The following USP21 variants were observed in gnomAD, a reference collection of about 807,000 sequenced individuals.
The protein encoded by USP21 is ubiquitin specific peptidase 21.
In USP21, 37 loss-of-function variants were observed where a neutral mutation model predicts 70.8. The ratio of observed to expected loss-of-function variants is 0.52; its 90% CI spans 0.40 to 0.69. The LOEUF is 0.69. USP21 is among the 30% of genes least tolerant of loss of function. The probability of loss-of-function intolerance (pLI) is 0.00; values close to 1 mark genes in which losing one functional copy is unlikely to be tolerated. For synonymous variants in USP21, 263 were observed against 283.1 expected, an observed-to-expected ratio of 0.93 and a Z score of 0.71; for missense variants, 584 against 740.8, an observed-to-expected ratio of 0.79 and a Z score of 2.46.
rs1657915113 is a variant in USP21, at chr1:161,161,310, TTCTG to T, written c.600+73_600+76del. ...GTGCTTTCCTGCCATCCTCTGCCTT[TTCTG>T]TCCCCCATTTCCCTGAAGTTCCTTT... On this transcript the variant is annotated intron_variant, in intron 3 of 13. Transcript: ENST00000368002. The surrounding 1 kb of genome is among the most constrained non-coding windows in gnomAD (Gnocchi z 4.2). The T allele has an allele frequency of 6.7e-7, 1 of 1,502,620 alleles. No homozygotes were observed. The highest frequency in any genetic ancestry group is 1.4e-5 in the African/African-American group (1 of 71,990). The allele number at this position is 1,502,620 out of a possible 1,614,324, so 93.1% of individuals were successfully genotyped here.
rs774507460 is a variant in USP21, at chr1:161,165,160, A to T, written c.1607+17A>T. The T allele has an allele frequency of 2.2e-5, 35 of 1,604,706 alleles. 1 individual carries two copies. Among genetic ancestry groups the T allele is most frequent in the Admixed American group, 3.3e-5 (2 of 59,852 alleles). On this transcript the variant is annotated intron_variant, in intron 13 of 13. Coordinates refer to ENST00000368002, the MANE Select transcript of USP21 (RefSeq NM_001014443.3). ...TGACTCTCGGTGAGAATAGCCTCCT[A>T]TTTACATCCTGCCCCATTCCCACTC...
At position 161,164,502 on chromosome 1, in the gene USP21, T is replaced by C; in HGVS notation, c.1306-32T>C. 6.2e-7 allele frequency: 1 copy of C among 1,613,944 alleles called. No homozygotes were observed. Among genetic ancestry groups the C allele is most frequent in the South Asian group, 1.1e-5 (1 of 91,074 alleles). On this transcript the variant is annotated intron_variant, in intron 10 of 13. Transcript: ENST00000368002. This position sits in a 1 kb window ranked among gnomAD's most constrained non-coding sequence, Gnocchi z 4.2. ...GAAAAGCCAATTGAGGTTAGGAGCA[T>C]ATTAACCTAACACTGTTTGCCATTT...
In USP21 at chr1:161,160,731, C is replaced by T. The variant is rs1206250200; in HGVS notation, c.91C>T (p.Pro31Ser). ...AGTGGGATCCAAGCTACCATTTGCC[C>T]CCAGGGCCCGCAGCAAGGAGCGCAG... is the stretch of plus-strand genomic sequence containing the variant. ...PRVGSKLPFAPRARSKERRNP... is the reference protein window; with the variant it reads ...PRVGSKLPFASRARSKERRNP... The change falls in exon 3 of 14, where the codon CCC (proline) becomes TCC (serine). Residue 31 changes from proline (P) to serine (S), a missense_variant. By Grantham distance (74) the Pro-to-Ser change is moderately conservative. Transcript: ENST00000368002. 1.9e-6 allele frequency: 3 copies of T among 1,614,084 alleles called. No individual in the cohort carries two copies. Among genetic ancestry groups the T allele is most frequent in the Admixed American group, 1.7e-5 (1 of 60,008 alleles).
chr1:161,159,919 G>A (rs1318921465), intron 1 of USP21, among the ~76,000 whole-genome samples: 1 of 152,200 alleles, frequency 6.6e-6, no homozygotes, highest in Non-Finnish European at 1.5e-5. Flanking sequence ...CTGCTGTGGT[G>A]GGAGAAGTGC....
rs149171020 is a variant in USP21, at chr1:161,160,751, G to A, written c.111G>A (p.Glu37=). 3.7e-6 allele frequency: 6 copies of A among 1,614,226 alleles called. No homozygotes were observed. The Admixed American group carries it at 1.0e-4, about 27-fold the overall frequency. ...LPFAPRARSK[E]RRNPASGPNP... The stretch of plus-strand genomic sequence containing the variant: ...TTGCCCCCAGGGCCCGCAGCAAGGA[G>A]CGCAGAAACCCAGCCTCTGGGCCAA... Residue 37 remains glutamate (E), a synonymous_variant, in exon 3 of 14, where the codon GAG becomes GAA. Coordinates refer to ENST00000368002, the MANE Select transcript of USP21 (RefSeq NM_001014443.3).
At chr1:161,165,192 G>A (rs753799115) in intron 13 of USP21, 49 bp downstream of exon 13, 9 of 1,548,280 alleles carry the variant, frequency 5.8e-6, no homozygotes, top group Middle Eastern at 1.7e-4. Context: ...ACTCAGCCCT[G>A]ACACCCTCCC....
Position 161,161,737 on chromosome 1 carries a change from G to T in USP21, c.601-301G>T. The stretch of plus-strand genomic sequence containing the variant: ...AAAGGTGGGAGTGGTGAGCAGCTGG[G>T]CAACCATGCCGGTGCTGGGGGAGTT... On this transcript the variant is annotated intron_variant, in intron 3 of 13. Transcript: ENST00000368002. The surrounding 1 kb of genome is among the most constrained non-coding windows in gnomAD (Gnocchi z 4.2). 2.0e-6 allele frequency: 1 copy of T among 496,390 alleles called. No individual in the cohort carries two copies. Among genetic ancestry groups the T allele is most frequent in the Admixed American group, 3.4e-5 (1 of 29,190 alleles). The allele number at this position is 496,390 out of a possible 1,614,324, so 30.7% of individuals were successfully genotyped here.
chr1:161,164,545 A>T lies in USP21; in HGVS notation c.1317A>T (p.Arg439=), dbSNP rs1658336523. 1.2e-5 allele frequency: 20 copies of T among 1,614,222 alleles called. No homozygotes were observed. The highest frequency in any genetic ancestry group is 1.7e-5 in the Non-Finnish European group (20 of 1,180,042). The part of the protein sequence containing the change: ...LESENAPVCD[R]CRQKTRSTKK... The stretch of plus-strand genomic sequence containing the variant: ...TGCCATTTATTCAGGTGTGTGACCG[A>T]TGTCGGCAGAAAACTCGAAGTACCA... Residue 439 remains arginine (R), a synonymous_variant, in exon 11 of 14, where the codon CGA becomes CGT. Coordinates refer to ENST00000368002, the MANE Select transcript of USP21 (RefSeq NM_001014443.3). This position sits in a 1 kb window ranked among gnomAD's most constrained non-coding sequence, Gnocchi z 4.2.
chr1:161,165,451 C>G lies in USP21; in HGVS notation c.*4C>G, dbSNP rs1191457758. ...GGAGCCACCCCGGTGCCTGTGACAC[C>G]TCTAAGCTCTGGCACCTGTGAAGCC... On this transcript the variant is annotated 3_prime_UTR_variant, in exon 14 of 14. Coordinates refer to ENST00000368002, the MANE Select transcript of USP21 (RefSeq NM_001014443.3). 6.2e-7 allele frequency: 1 copy of G among 1,611,980 alleles called. No homozygotes were observed. The highest frequency in any genetic ancestry group is 8.5e-7 in the Non-Finnish European group (1 of 1,178,182).
Position 161,164,973 on chromosome 1 carries a change from C to T in USP21, c.1492+31C>T. ...TCTGGTGGGGAAAGTCCTAAGGAGC[C>T]AAAGGAGTGGGGGCACAGCTCTGAT... On this transcript the variant is annotated intron_variant, in intron 12 of 13. Coordinates refer to ENST00000368002, the MANE Select transcript of USP21 (RefSeq NM_001014443.3). This position sits in a 1 kb window ranked among gnomAD's most constrained non-coding sequence, Gnocchi z 4.2. The T allele has an allele frequency of 6.2e-7, 1 of 1,613,362 alleles. No individual in the cohort carries two copies. The highest frequency in any genetic ancestry group is 1.1e-5 in the South Asian group (1 of 91,060).
Position 161,162,721 on chromosome 1 carries a change from A to T in USP21, c.888A>T (p.Gly296=), listed in dbSNP as rs1461537240. ...VFQKYVPSFS[G]YSQQDAQEFL... Reference sequence around the variant, plus strand: ...AGAAATATGTTCCCTCCTTCTCTGGATACAGGTGGGAGAGCTGGAGGCTAT... The same window carrying T: ...AGAAATATGTTCCCTCCTTCTCTGGTTACAGGTGGGAGAGCTGGAGGCTAT... Residue 296 remains glycine (G), a synonymous_variant, in exon 6 of 14, where the codon GGA becomes GGT. Transcript: ENST00000368002. The surrounding 1 kb of genome is among the most constrained non-coding windows in gnomAD (Gnocchi z 4.1). The T allele has an allele frequency of 6.2e-7, 1 of 1,610,972 alleles. No homozygotes were observed. Among genetic ancestry groups the T allele is most frequent in the Non-Finnish European group, 8.5e-7 (1 of 1,177,136 alleles).
chr1:161,160,874 C>T lies in USP21; in HGVS notation c.234C>T (p.Pro78=), dbSNP rs746718961. The change falls in exon 3 of 14, where the codon CCC becomes CCT. Residue 78 remains proline, a synonymous_variant. Transcript: ENST00000368002. ...GGGGACGGACCTCAGGCCCTCGTCCCAGAGGCCCCCTTCGAGCAGATCATG... is the reference window on the plus strand; with the variant it reads ...GGGGACGGACCTCAGGCCCTCGTCCTAGAGGCCCCCTTCGAGCAGATCATG... ...LGRGRTSGPR[P]RGPLRADHGV... is the part of the protein sequence containing the mutation. 20 of 1,614,248 alleles carry T rather than the reference C, an allele frequency of 1.2e-5. No homozygotes were observed. Among genetic ancestry groups the T allele is most frequent in the Non-Finnish European group, 1.7e-5 (20 of 1,180,044 alleles).
rs1658557974 is a variant in USP21 at position 161,165,338 on chromosome 1, C to T, written c.1608-19C>T. The T allele has an allele frequency of 2.5e-6, 4 of 1,609,578 alleles. No homozygotes were observed. Among genetic ancestry groups the T allele is most frequent in the African/African-American group, 1.3e-5 (1 of 74,756 alleles). On this transcript the variant is annotated intron_variant, in intron 13 of 13. Transcript: ENST00000368002. ...AACAGGAATGACCACAACCCTTTCC[C>T]GATCTCCTTTTTTCCTAGTGTCTCC...
At position 161,162,661 on chromosome 1, in the gene USP21, A is replaced by G. The variant is rs774111165; in HGVS notation, c.828A>G (p.Glu276=). 2.0e-5 allele frequency: 32 copies of G among 1,614,164 alleles called. No homozygotes were observed. The highest frequency in any genetic ancestry group is 3.3e-4 in the Middle Eastern group (2 of 6,062). Residue 276 remains glutamate, a synonymous_variant, in exon 6 of 14, where the codon GAA becomes GAG. Transcript: ENST00000368002. The surrounding 1 kb of genome is among the most constrained non-coding windows in gnomAD (Gnocchi z 4.1). ...CCCTCTGGCACCCTGACTCCTGCGA[A>G]GCTGTGAATCCTACTCGATTCCGAG... ...IGALWHPDSC[E]AVNPTRFRAV...
In USP21 at chr1:161,164,491, G is replaced by C. The variant is rs745665146; in HGVS notation, c.1306-43G>C. 4 of 1,611,298 alleles carry C rather than the reference G, an allele frequency of 2.5e-6. No individual in the cohort carries two copies. Among genetic ancestry groups the C allele is most frequent in the Non-Finnish European group, 2.5e-6 (3 of 1,177,572 alleles). ...TCGGGGTGTCAGAAAAGCCAATTGA[G>C]GTTAGGAGCATATTAACCTAACACT... is the stretch of plus-strand genomic sequence containing the variant. On this transcript the variant is annotated intron_variant, in intron 10 of 13. Transcript: ENST00000368002. This position sits in a 1 kb window ranked among gnomAD's most constrained non-coding sequence, Gnocchi z 4.2.
Position 161,160,645 on chromosome 1 carries a change from C to T in USP21, c.5C>T (p.Pro2Leu). ...GTCCAGCCTGTGGTGTCCACAATGC[C>T]CCAGGCCTCTGAGCACCGCCTGGGC... is the stretch of plus-strand genomic sequence containing the variant. Reference protein sequence around the residue: MPQASEHRLGRT... With the variant: MLQASEHRLGRT... Residue 2 changes from proline (P) to leucine (L), a missense_variant, in exon 3 of 14, where the codon CCC becomes CTC. Pro to Leu is a moderately conservative substitution (Grantham distance 98). This residue lies in a region of USP21 where 284 missense variants were observed against 281.0 expected (regional missense o/e 1.01). Coordinates refer to ENST00000368002, the MANE Select transcript of USP21 (RefSeq NM_001014443.3). The T allele has an allele frequency of 3.7e-6, 6 of 1,612,536 alleles. No individual in the cohort carries two copies. The highest frequency in any genetic ancestry group is 5.1e-6 in the Non-Finnish European group (6 of 1,178,866).
In USP21 at chr1:161,161,605, C is replaced by T. The variant is rs1021927047; in HGVS notation, c.600+365C>T. On this transcript the variant is annotated intron_variant, in intron 3 of 13. Transcript: ENST00000368002. This position sits in a 1 kb window ranked among gnomAD's most constrained non-coding sequence, Gnocchi z 4.2. ...GGCAGGCACAGAACATCTTAGCAAA[C>T]GTGGTTGCACATTTTCTGAGCTAAG... The T allele has an allele frequency of 1.4e-5, 5 of 359,918 alleles. No individual in the cohort carries two copies. Among genetic ancestry groups the T allele is most frequent in the South Asian group, 1.2e-4 (3 of 24,146 alleles). 22.3% of individuals were successfully genotyped at this position (359,918 alleles called of 1,614,324 possible). A position where few individuals can be genotyped will look rare whatever the true frequency, so the allele number is the denominator to read the frequency against.
chr1:161,165,562 G>C lies in USP21; in HGVS notation c.*115G>C. On this transcript the variant is annotated 3_prime_UTR_variant, in exon 14 of 14. Coordinates refer to ENST00000368002, the MANE Select transcript of USP21 (RefSeq NM_001014443.3). ...TTTTTAATCGGGGAGGGGGGAGGGG[G>C]TGGTTGTAGCTCCATTATTTTTTTT... 2 of 329,518 alleles carry C rather than the reference G, an allele frequency of 6.1e-6. No individual in the cohort carries two copies. The highest frequency in any genetic ancestry group is 1.2e-5 in the Non-Finnish European group (2 of 167,626). 20.4% of individuals were successfully genotyped at this position (329,518 alleles called of 1,614,324 possible). A position where few individuals can be genotyped will look rare whatever the true frequency, so the allele number is the denominator to read the frequency against.
rs372345609 is a variant in USP21, at chr1:161,162,122, C to T, written c.660+25C>T. 9 of 1,613,822 alleles carry T rather than the reference C, an allele frequency of 5.6e-6. No homozygotes were observed. The highest frequency in any genetic ancestry group is 4.5e-5 in the East Asian group (2 of 44,898). On this transcript the variant is annotated intron_variant, in intron 4 of 13. Coordinates refer to ENST00000368002, the MANE Select transcript of USP21 (RefSeq NM_001014443.3). The surrounding 1 kb of genome is among the most constrained non-coding windows in gnomAD (Gnocchi z 4.1). ...GGTGAGAGCTATTCTCCTATCTTTC[C>T]TCTCTAAAAGGAATGTGAAATGGTG...
Sources: gnomAD v4.1 joint callset for allele counts (sites outside exome capture counted in the v4.1 genomes callset) on GRCh38, gnomAD v4.1.1 for gene constraint, gnomAD v4.1.1 regional missense constraint, Gnocchi (gnomAD v3.1) non-coding constraint, MANE v1.5 for transcripts, NCBI Gene and HGNC (gene_info 2026-07-23, HGNC 2026-07-21) for gene names.